The following KHDRBS2 variants were observed in gnomAD, a reference collection of about 807,000 sequenced individuals.
The protein encoded by KHDRBS2 is KH domain-containing, RNA-binding, signal transduction-associated protein 2.
KHDRBS2 carries 26 observed loss-of-function variants against 44.3 expected under a neutral mutation model. That is an observed-to-expected ratio of 0.59 (90% CI 0.43 to 0.81). KHDRBS2 has a LOEUF of 0.81. Ranked by LOEUF, KHDRBS2 falls within the 40% of genes least tolerant of loss-of-function variation. The probability of loss-of-function intolerance (pLI) is 0.00; values close to 1 mark genes in which losing one functional copy is unlikely to be tolerated. For missense variants in KHDRBS2, 476 were observed against 433.1 expected, an observed-to-expected ratio of 1.10 and a Z score of -0.88; for synonymous variants, 194 against 151.1, an observed-to-expected ratio of 1.28 and a Z score of -2.08.
At chr6:61,630,750 C>A in the KHDRBS2 span, among the ~76,000 whole-genome samples, 1 of 152,128 alleles carries the variant, frequency 6.6e-6, no homozygotes, top group Admixed American at 6.5e-5. Context: ...GGAAAGATTT[C>A]ATCACATTGC....
At chr6:61,915,268 T>C (rs567270225) in intron 4 of KHDRBS2, among the ~76,000 whole-genome samples, 79 of 152,102 alleles carry the variant, frequency 5.2e-4, no homozygotes, top group African/African-American at 1.9e-3. Flanking sequence ...CTTATAACAA[T>C]CCAGACAAAA....
At chr6:62,213,444 G>C (rs1829432741) in intron 1 of KHDRBS2, among the ~76,000 whole-genome samples, 1 of 152,056 alleles carries the variant, frequency 6.6e-6, no homozygotes, top group East Asian at 1.9e-4. Context: ...AAAGATAAAA[G>C]TCTTAAAAAT....
rs1369415352 is a variant in KHDRBS2 at position 61,724,175 on chromosome 6, G to A, written c.893+8507C>T. Among the ~76,000 whole-genome samples, 4 of 152,228 alleles carry A rather than the reference G, an allele frequency of 2.6e-5. No individual in the cohort carries two copies. In the East Asian group the frequency reaches 7.8e-4, roughly 30 times the overall value. On this transcript the variant is annotated intron_variant, in intron 7 of 8. Coordinates refer to ENST00000281156, the MANE Select transcript of KHDRBS2 (RefSeq NM_152688.4). Reference sequence around the variant, plus strand: ...GGGGCCAATATTCAATATTGTTAAAGAAAAGAACTTCTAATCCAGAATTTC... The same window carrying A: ...GGGGCCAATATTCAATATTGTTAAAAAAAAGAACTTCTAATCCAGAATTTC...
At chr6:61,650,393 C>T in the KHDRBS2 span, among the ~76,000 whole-genome samples, 1 of 134,088 alleles carries the variant, frequency 7.5e-6, no homozygotes, top group Non-Finnish European at 1.6e-5. Context: ...TTGTTCACTG[C>T]TTTTTTTAAA....
intron 2 of KHDRBS2, among the ~76,000 whole-genome samples, chr6:62,071,268 A>C (rs1795010722): frequency 6.6e-6 from 1 of 152,004 alleles, no homozygotes; most frequent in South Asian, 2.1e-4. Flanking sequence ...AGATTGCAAA[A>C]ATTTTCTCCC....
intron 1 of KHDRBS2, among the ~76,000 whole-genome samples, chr6:62,201,201 T>A (rs1205368357): frequency 1.3e-5 from 2 of 152,040 alleles, no homozygotes; most frequent in Non-Finnish European, 2.9e-5. Flanking sequence ...AACCTGCATG[T>A]TGTGCACATG....
At chr6:61,611,252 C>A in the KHDRBS2 span, among the ~76,000 whole-genome samples, 1 of 152,208 alleles carries the variant, frequency 6.6e-6, no homozygotes, top group African/African-American at 2.4e-5. Flanking sequence ...ATTTACCAAT[C>A]TGTTCTTGAG....
chr6:61,619,651 T>C, the KHDRBS2 span, among the ~76,000 whole-genome samples: 3,726 of 152,156 alleles, frequency 0.024, 71 homozygotes, highest in Middle Eastern at 0.088. Context: ...AAGGGGTTTC[T>C]CCATGTTTGT....
At chr6:62,194,476 CTTCCTTTTTTTTTTTT>C (rs1825245127) in intron 1 of KHDRBS2, among the ~76,000 whole-genome samples, 4 of 89,356 alleles carry the variant, frequency 4.5e-5, no homozygotes, top group African/African-American at 1.7e-4. Flanking sequence ...CTTTTCTTTT[CTTCCTTTTTTTTTTTT>C]TTTTTTTTTT....
intron 3 of KHDRBS2, among the ~76,000 whole-genome samples, chr6:61,998,201 G>T (rs544746582): frequency 6.6e-6 from 1 of 152,210 alleles, no homozygotes; most frequent in African/African-American, 2.4e-5. Flanking sequence ...AAAGCCATGA[G>T]TAAAATAAAA....
At position 61,954,825 on chromosome 6, in the gene KHDRBS2, CACATGCATATGTATGT is replaced by C. The variant is rs1765937271; in HGVS notation, c.483+23225_483+23240del. On this transcript the variant is annotated intron_variant, in intron 4 of 8. Transcript: ENST00000281156. ...ATGTATACATACGCATGTGTATATACACATGCATATGTATGTATACATATGCATGTGTATATACACA... is the reference window on the plus strand; with the variant it reads ...ATGTATACATACGCATGTGTATATACATACATATGCATGTGTATATACACA... Among the ~76,000 whole-genome samples the C allele has an allele frequency of 2.1e-5, 2 of 94,712 alleles. 1 individual carries two copies. Among genetic ancestry groups the C allele is most frequent in the Admixed American group, 2.1e-4 (2 of 9,744 alleles). The allele number at this position is 94,712 out of a possible 152,430, so 62.1% of individuals were successfully genotyped here.
intron 1 of KHDRBS2, among the ~76,000 whole-genome samples, chr6:62,240,079 C>A (rs1279640610): frequency 6.6e-6 from 1 of 152,106 alleles, no homozygotes; most frequent in Non-Finnish European, 1.5e-5. Context: ...CCATATATCA[C>A]ACACCAGTTG....
chr6:61,899,377 C>G (rs1295040328), intron 5 of KHDRBS2, among the ~76,000 whole-genome samples: 1 of 151,860 alleles, frequency 6.6e-6, no homozygotes, highest in African/African-American at 2.4e-5. Flanking sequence ...GCTAGCACCA[C>G]TAATGATATC....
In KHDRBS2 at chr6:62,126,712, T is replaced by A. The variant is rs542689007; in HGVS notation, c.219+50473A>T. On this transcript the variant is annotated intron_variant, in intron 2 of 8. Transcript: ENST00000281156. ...TCCTTCTTAAGAAGAATATATTTTC[T>A]ATGAAAGGCTTGTTCCTCATTTCAA... is the stretch of plus-strand genomic sequence containing the variant. Among the ~76,000 whole-genome samples, 3 of 152,368 alleles carry A rather than the reference T, an allele frequency of 2.0e-5. No homozygotes were observed. In the East Asian group the frequency reaches 5.8e-4, roughly 29 times the overall value.
intron 2 of KHDRBS2, among the ~76,000 whole-genome samples, chr6:62,144,271 A>C (rs1458374079): frequency 1.3e-5 from 2 of 151,970 alleles, no homozygotes; most frequent in Non-Finnish European, 1.5e-5. Context: ...ACTTACTTAT[A>C]ATCACACATT....
In KHDRBS2 at chr6:61,885,857, C is replaced by T. The variant is rs186143072; in HGVS notation, c.810+8778G>A. 1.9e-3 allele frequency among the ~76,000 whole-genome samples: 291 copies of T among 152,248 alleles called. 1 individual carries two copies. The highest frequency in any genetic ancestry group is 6.8e-3 in the African/African-American group (281 of 41,556). On this transcript the variant is annotated intron_variant, in intron 6 of 8. Coordinates refer to ENST00000281156, the MANE Select transcript of KHDRBS2 (RefSeq NM_152688.4). Reference sequence around the variant, plus strand: ...AAAGTCACTCCTTCACTGTCCACCCCTCCCCACTATGGCCTTCCTTCCTGT... The same window carrying T: ...AAAGTCACTCCTTCACTGTCCACCCTTCCCCACTATGGCCTTCCTTCCTGT...
chr6:62,216,693 C>G (rs1830029814), intron 1 of KHDRBS2, among the ~76,000 whole-genome samples: 2 of 80,328 alleles, frequency 2.5e-5, no homozygotes, highest in Admixed American at 1.1e-4. Flanking sequence ...ATTTCTTTCT[C>G]CTCTTTTTTT....
chr6:61,626,567 C>G, the KHDRBS2 span, among the ~76,000 whole-genome samples: 1 of 152,160 alleles, frequency 6.6e-6, no homozygotes, highest in African/African-American at 2.4e-5. Context: ...TTTTTGAAAT[C>G]ACTCTTTTTT....
chr6:61,714,646 C>T (rs1043466871), intron 7 of KHDRBS2, among the ~76,000 whole-genome samples: 1 of 151,820 alleles, frequency 6.6e-6, no homozygotes, highest in Non-Finnish European at 1.5e-5. Context: ...TGTAATCAAC[C>T]TAAGTGTCAA....
Sources: allele counts gnomAD v4.1 joint callset (sites outside exome capture counted in the v4.1 genomes callset), GRCh38; gene constraint gnomAD v4.1.1; transcripts MANE v1.5; gene names NCBI Gene and HGNC (gene_info 2026-07-23, HGNC 2026-07-21).